Variants in FHIT observed in about 807,000 individuals in gnomAD.
FHIT encodes the protein bis(5'-adenosyl)-triphosphatase.
Under a neutral mutation model 17.9 loss-of-function variants are expected in FHIT, and 19 were observed. The observed-to-expected ratio is 1.06, with a 90% CI of 0.74 to 1.56. The LOEUF is 1.56. Among genes scored for constraint, FHIT ranks in the 40% most tolerant of loss-of-function variants. The pLI, the probability that FHIT is intolerant of heterozygous loss-of-function variation, is 0.00. For synonymous variants in FHIT, 81 were observed against 69.7 expected (o/e 1.16, Z -0.81); for missense variants, 248 against 189.2 (o/e 1.31, Z -1.82).
chr3:60,350,405 CATG>C (rs1711027964), intron 5 of FHIT, among the ~76,000 whole-genome samples: 1 of 152,140 alleles, frequency 6.6e-6, no homozygotes, highest in Non-Finnish European at 1.5e-5. Context: ...TCCAAACTCC[CATG>C]ATTTTATATA....
At chr3:60,310,055 G>A (rs367803634) in intron 5 of FHIT, among the ~76,000 whole-genome samples, 2 of 152,268 alleles carry the variant, frequency 1.3e-5, no homozygotes, top group East Asian at 1.9e-4. Flanking sequence ...ATCAGGTCAT[G>A]CAGGCAGAGC....
At chr3:60,246,742 A>C (rs1467644635) in intron 5 of FHIT, among the ~76,000 whole-genome samples, 1 of 152,112 alleles carries the variant, frequency 6.6e-6, no homozygotes, top group Admixed American at 6.6e-5. Flanking sequence ...GGAATTTACC[A>C]ATTACAAATT....
In FHIT at chr3:61,238,938, G is replaced by A. The variant is rs536425269; in HGVS notation, c.-213+12363C>T. Reference sequence around the variant, plus strand: ...GCATTAGGGGGCAGAAGTGGGTATCGCAGATGCTCTGATCAGAACCTAGTG... The same window carrying A: ...GCATTAGGGGGCAGAAGTGGGTATCACAGATGCTCTGATCAGAACCTAGTG... On this transcript the variant is annotated intron_variant, in intron 1 of 9. Transcript: ENST00000492590. Among the ~76,000 whole-genome samples, 12 of 152,252 alleles carry A rather than the reference G, an allele frequency of 7.9e-5. No homozygotes were observed. The East Asian group carries it at 1.9e-3, about 25-fold the overall frequency.
chr3:60,460,698 G>T (rs1044324435), intron 5 of FHIT, among the ~76,000 whole-genome samples: 3 of 152,128 alleles, frequency 2.0e-5, no homozygotes, highest in Admixed American at 6.6e-5. Context: ...CATGTGCTGT[G>T]ATTTACAATC....
At chr3:61,120,542 C>T (rs949064736) in intron 2 of FHIT, among the ~76,000 whole-genome samples, 1 of 152,100 alleles carries the variant, frequency 6.6e-6, no homozygotes, top group Non-Finnish European at 1.5e-5. Flanking sequence ...GCAAGCTAAC[C>T]CTACCTAAAG....
intron 5 of FHIT, among the ~76,000 whole-genome samples, chr3:60,020,855 T>C (rs1010551510): frequency 6.6e-6 from 1 of 152,198 alleles, no homozygotes; most frequent in Non-Finnish European, 1.5e-5. Flanking sequence ...TCTCAAAAAG[T>C]AATCTATTCA....
chr3:60,122,324 T>C lies in FHIT; in HGVS notation c.104-108172A>G, dbSNP rs1705296172. On this transcript the variant is annotated intron_variant, in intron 5 of 9. Transcript: ENST00000492590. ...GTGTTGTCTGGGGCAAAGCAGGGAA[T>C]TGTGGGAAATGTAAAACAAATTTGT... Among the ~76,000 whole-genome samples the C allele has an allele frequency of 2.0e-5, 3 of 152,124 alleles. No homozygotes were observed. The South Asian group carries it at 6.2e-4, about 31-fold the overall frequency.
chr3:61,118,406 G>T (rs2036362561), intron 2 of FHIT, among the ~76,000 whole-genome samples: 1 of 59,610 alleles, frequency 1.7e-5, no homozygotes, highest in African/African-American at 7.4e-5. Context: ...TCTTTTTGGA[G>T]CTGTAACGAA....
chr3:61,099,601 T>C (rs1036302935), intron 2 of FHIT, among the ~76,000 whole-genome samples: 1 of 152,192 alleles, frequency 6.6e-6, no homozygotes, highest in Non-Finnish European at 1.5e-5. Context: ...AGCTCCCTAT[T>C]GGTCTGTTCT....
At chr3:60,879,386 T>G (rs1274393501) in intron 3 of FHIT, among the ~76,000 whole-genome samples, 2 of 152,178 alleles carry the variant, frequency 1.3e-5, no homozygotes, top group Non-Finnish European at 2.9e-5. Context: ...CTTTTCCTAA[T>G]TAGCACACTA....
intron 5 of FHIT, among the ~76,000 whole-genome samples, chr3:60,363,527 T>TA (rs1699986897): frequency 6.6e-6 from 1 of 152,218 alleles, no homozygotes; most frequent in East Asian, 1.9e-4. Context: ...CCGCTATCCC[T>TA]GTTTTACAGG....
intron 5 of FHIT, among the ~76,000 whole-genome samples, chr3:60,408,027 T>A (rs1420752180): frequency 6.6e-6 from 1 of 152,194 alleles, no homozygotes; most frequent in African/African-American, 2.4e-5. Flanking sequence ...TGACAGCACA[T>A]GCCTCATTTT....
chr3:60,496,490 G>A (rs530527463), intron 5 of FHIT, among the ~76,000 whole-genome samples: 24 of 152,240 alleles, frequency 1.6e-4, no homozygotes, highest in Non-Finnish European at 2.9e-4. Context: ...CTTAAAAAGT[G>A]TGCCAATGCA....
intron 2 of FHIT, among the ~76,000 whole-genome samples, chr3:61,060,609 C>G (rs1426385948): frequency 6.6e-6 from 1 of 152,228 alleles, no homozygotes; most frequent in Non-Finnish European, 1.5e-5. Flanking sequence ...ATCATATCTT[C>G]TCCAGCTGCA....
At chr3:60,299,859 T>C (rs1708374252) in intron 5 of FHIT, among the ~76,000 whole-genome samples, 1 of 152,134 alleles carries the variant, frequency 6.6e-6, no homozygotes, top group African/African-American at 2.4e-5. Flanking sequence ...CACACGTTTT[T>C]CAATGTGTGT....
At chr3:59,784,944 T>C (rs1702768566) in intron 8 of FHIT, among the ~76,000 whole-genome samples, 1 of 152,214 alleles carries the variant, frequency 6.6e-6, no homozygotes, top group Non-Finnish European at 1.5e-5. Flanking sequence ...CTGCAGGCTG[T>C]ACAGGAAGCA....
At chr3:59,879,983 G>GAAA (rs1553704702) in intron 8 of FHIT, among the ~76,000 whole-genome samples, 1 of 149,478 alleles carries the variant, frequency 6.7e-6, no homozygotes, top group Non-Finnish European at 1.5e-5. Flanking sequence ...CAAGAGAGAA[G>GAAA]AGGAGAAGTC....
intron 5 of FHIT, among the ~76,000 whole-genome samples, chr3:60,244,871 C>G (rs565363019): frequency 5.3e-5 from 8 of 152,030 alleles, no homozygotes; most frequent in Non-Finnish European, 1.2e-4. Flanking sequence ...TTCCTGACAT[C>G]TCAAAAGAAC....
At chr3:61,043,923 G>A (rs1251907465) in intron 2 of FHIT, among the ~76,000 whole-genome samples, 3 of 152,196 alleles carry the variant, frequency 2.0e-5, no homozygotes, top group African/African-American at 4.8e-5. Flanking sequence ...GATCCTAACT[G>A]TTGGAAGGAA....
Sources: allele counts gnomAD v4.1 joint callset (sites outside exome capture counted in the v4.1 genomes callset), GRCh38; gene constraint gnomAD v4.1.1; transcripts MANE v1.5; gene names NCBI Gene and HGNC (gene_info 2026-07-23, HGNC 2026-07-21).